The following PRMT7 variants were observed in gnomAD, a reference collection of about 807,000 sequenced individuals.
PRMT7 encodes protein arginine N-methyltransferase 7.
PRMT7 carries 75 observed loss-of-function variants against 85.4 expected under a neutral mutation model. The observed-to-expected ratio is 0.88, with a 90% confidence interval of 0.73 to 1.06. The LOEUF is 1.06. PRMT7 is among the 50% of genes least tolerant of loss of function. The pLI, the probability that PRMT7 is intolerant of heterozygous loss-of-function variation, is 0.00. For synonymous variants in PRMT7, 397 were observed against 359.5 expected, an observed-to-expected ratio of 1.10 and a Z score of -1.18; for missense variants, 868 against 915.2, an observed-to-expected ratio of 0.95 and a Z score of 0.67.
At chr16:68,348,675 C>T (rs551456352) in intron 14 of PRMT7, among the ~76,000 whole-genome samples, 3 of 139,744 alleles carry the variant, frequency 2.1e-5, no homozygotes, top group Non-Finnish European at 4.5e-5. Flanking sequence ...TGGGGTCTCG[C>T]GCTGTCGTCC....
At chr16:68,323,218 TTTC>T (rs891529804) in intron 4 of PRMT7, among the ~76,000 whole-genome samples, 4 of 62,914 alleles carry the variant, frequency 6.4e-5, no homozygotes, top group Admixed American at 1.6e-4. Context: ...TTTTTCTTTC[TTTC>T]TTTTTTTTTT....
At chr16:68,335,016 C>T (rs557357960) in intron 6 of PRMT7, among the ~76,000 whole-genome samples, 84 of 152,078 alleles carry the variant, frequency 5.5e-4, no homozygotes, top group Non-Finnish European at 9.0e-4. Flanking sequence ...AGGCTGGTAT[C>T]GAACTCCTGG....
At chr16:68,333,785 AT>A (rs71382042) in intron 6 of PRMT7, among the ~76,000 whole-genome samples, 5 of 151,592 alleles carry the variant, frequency 3.3e-5, no homozygotes, top group Admixed American at 1.3e-4. Context: ...AAAAAAAAAA[AT>A]TTTTTTTAGA....
chr16:68,325,311 GA>G (rs1384840317), intron 5 of PRMT7, among the ~76,000 whole-genome samples: 1 of 152,236 alleles, frequency 6.6e-6, no homozygotes, highest in Non-Finnish European at 1.5e-5. Flanking sequence ...AGTGAGCCAT[GA>G]TTTGGACTTC....
chr16:68,348,476 G>C (rs893909268), intron 14 of PRMT7, 45 bp downstream of exon 14: 1 of 1,495,478 alleles, frequency 6.7e-7, no homozygotes, highest in East Asian at 2.3e-5. Context: ...GTGTTAGGGT[G>C]GTCAGCACGG....
chr16:68,337,671 C>A, intron 7 of PRMT7, 100 bp downstream of exon 7: 2 of 629,438 alleles, frequency 3.2e-6, no homozygotes, highest in Non-Finnish European at 5.1e-6. Context: ...GCCCTCAGCA[C>A]CTCTGATACA....
intron 9 of PRMT7, among the ~76,000 whole-genome samples, chr16:68,344,518 G>A (rs1023279201): frequency 2.0e-5 from 3 of 152,118 alleles, no homozygotes; most frequent in African/African-American, 7.2e-5. Flanking sequence ...TTTATATCCC[G>A]TTCTGAGTGC....
rs768696761 is a variant in PRMT7, at chr16:68,329,075, C to T, written c.292C>T (p.Pro98Ser). 10 of 1,608,260 alleles carry T rather than the reference C, an allele frequency of 6.2e-6. No homozygotes were observed. The East Asian group carries it at 2.2e-4, about 36-fold the overall frequency. Reference protein sequence around the residue: ...DFCYAIEVFKPMADAAVKIVE... With the variant: ...DFCYAIEVFKSMADAAVKIVE... ...CGGCTCTATTTTCTAGGTTTTCAAGCCTATGGCTGATGCTGCTGTGAAGAT... is the reference window on the plus strand; with the variant it reads ...CGGCTCTATTTTCTAGGTTTTCAAGTCTATGGCTGATGCTGCTGTGAAGAT... Residue 98 changes from proline to serine, a missense_variant, in exon 6 of 19, where the codon CCT becomes TCT. Coordinates refer to ENST00000441236, the MANE Select transcript of PRMT7 (RefSeq NM_019023.5).
At chr16:68,311,717 C>T (rs187249511) in intron 1 of PRMT7, 1 of 152,222 alleles carries the variant, frequency 6.6e-6, no homozygotes, top group Non-Finnish European at 1.5e-5. Flanking sequence ...GTTCTTTCTA[C>T]CTTAGGGCCT....
Position 68,355,808 on chromosome 16 carries a change from A to G in PRMT7, c.1736A>G (p.Gln579Arg). ...TGCCGCAGCCTCTCCGAGCCCTGGC[A>G]GATCCTGACCTTTGACTTCCAGCAG... ...YPCRSLSEPW[Q>R]ILTFDFQQPV... Residue 579 changes from glutamine (Q) to arginine (R), a missense_variant, in exon 17 of 19, where the codon CAG becomes CGG. By Grantham distance (43) the Gln-to-Arg change is conservative. Transcript: ENST00000441236. 6.2e-7 allele frequency: 1 copy of G among 1,611,770 alleles called. No individual in the cohort carries two copies. Among genetic ancestry groups the G allele is most frequent in the Non-Finnish European group, 8.5e-7 (1 of 1,179,446 alleles).
intron 16 of PRMT7, 142 bp from the exon 17 acceptor site, chr16:68,355,581 C>T (rs1321622484): frequency 8.1e-6 from 7 of 860,886 alleles, no homozygotes; most frequent in Non-Finnish European, 6.4e-6. Context: ...GGGGGCGCCG[C>T]TGGTCTGCTG....
intron 3 of PRMT7, among the ~76,000 whole-genome samples, chr16:68,319,401 ACAT>A (rs1265266548): frequency 6.6e-6 from 1 of 152,110 alleles, no homozygotes; most frequent in Non-Finnish European, 1.5e-5. Context: ...CTGATGACTG[ACAT>A]CAGCTGCAGG....
At chr16:68,328,995 C>T in intron 5 of PRMT7, 71 bp from the exon 6 acceptor site, 1 of 1,041,646 alleles carries the variant, frequency 9.6e-7, no homozygotes, top group Middle Eastern at 2.5e-4. Flanking sequence ...GAATAGCTTG[C>T]TCACCTTAAA....
At chr16:68,320,242 T>C (rs1438234136) in intron 3 of PRMT7, among the ~76,000 whole-genome samples, 1 of 152,204 alleles carries the variant, frequency 6.6e-6, no homozygotes, top group Non-Finnish European at 1.5e-5. Flanking sequence ...CAGGGCTAAC[T>C]GCCGAGACCA....
At chr16:68,322,008 C>G (rs762788753) in intron 4 of PRMT7, among the ~76,000 whole-genome samples, 1 of 150,994 alleles carries the variant, frequency 6.6e-6, no homozygotes, top group Non-Finnish European at 1.5e-5. Flanking sequence ...AGTACAGGGG[C>G]GAGATCTCGG....
chr16:68,345,814 C>G lies in PRMT7; in HGVS notation c.1055+12C>G. On this transcript the variant is annotated intron_variant, in intron 10 of 18. Coordinates refer to ENST00000441236, the MANE Select transcript of PRMT7 (RefSeq NM_019023.5). ...CTGCAGAGGACCAGGTACGTCGAGC[C>G]TCGTGGGGGTGGAGGATGAGCCTCT... 1 of 1,613,820 alleles carries G rather than the reference C, an allele frequency of 6.2e-7. No homozygotes were observed.
intron 6 of PRMT7, among the ~76,000 whole-genome samples, chr16:68,336,197 G>C (rs2084665890): frequency 6.6e-6 from 1 of 152,226 alleles, no homozygotes; most frequent in African/African-American, 2.4e-5. Flanking sequence ...AGTGTTTACA[G>C]TTAATTCTCC....
At position 68,316,067 on chromosome 16, in the gene PRMT7, A is replaced by T; in HGVS notation, c.88A>T (p.Ile30Phe). 1 of 1,613,120 alleles carries T rather than the reference A, an allele frequency of 6.2e-7. No homozygotes were observed. The highest frequency in any genetic ancestry group is 8.5e-7 in the Non-Finnish European group (1 of 1,179,694). The change falls in exon 3 of 19, where the codon ATT becomes TTT. Residue 30 changes from isoleucine to phenylalanine, a missense_variant. Ile to Phe is a conservative substitution (Grantham distance 21). Transcript: ENST00000441236. ...TGAACACTATGATTACCACCAGGAGATTGCAAGGTACTGGGTTGGTTTACA... is the reference window on the plus strand; with the variant it reads ...TGAACACTATGATTACCACCAGGAGTTTGCAAGGTACTGGGTTGGTTTACA... ...EDEHYDYHQE[I>F]ARSSYADMLH...
intron 4 of PRMT7, chr16:68,324,339 A>C: frequency 3.6e-6 from 1 of 279,546 alleles, no homozygotes; most frequent in South Asian, 3.9e-5. Context: ...AGCATGCAGA[A>C]AGGAGCAAGC....
Sources: allele counts gnomAD v4.1 joint callset (sites outside exome capture counted in the v4.1 genomes callset), GRCh38; gene constraint gnomAD v4.1.1; transcripts MANE v1.5; gene names NCBI Gene and HGNC (gene_info 2026-07-23, HGNC 2026-07-21).